The following ACTR10 variants were observed in gnomAD, a reference collection of about 807,000 sequenced individuals.
ACTR10 encodes actin-related protein 10.
A neutral mutation model predicts 56.2 loss-of-function variants in ACTR10; 43 were observed. That is an observed-to-expected ratio of 0.77 (90% CI 0.60 to 0.99). The LOEUF (loss-of-function observed/expected upper bound fraction) is 0.99. Ranked by LOEUF, ACTR10 falls within the 50% of genes least tolerant of loss-of-function variation. The pLI, the probability that ACTR10 is intolerant of heterozygous loss-of-function variation, is 0.00. For missense variants in ACTR10, 466 were observed against 507.8 expected, an observed-to-expected ratio of 0.92 and a Z score of 0.79; for synonymous variants, 170 against 176.3, an observed-to-expected ratio of 0.96 and a Z score of 0.28.
chr14:58,216,517 G>A (rs1889138020), intron 7 of ACTR10, among the ~76,000 whole-genome samples: 2 of 152,072 alleles, frequency 1.3e-5, no homozygotes, highest in Non-Finnish European at 2.9e-5. Context: ...ATTATCTGTT[G>A]GATATAAATG....
chr14:58,212,027 G>A (rs1212245218), intron 5 of ACTR10, among the ~76,000 whole-genome samples: 3 of 151,152 alleles, frequency 2.0e-5, no homozygotes, highest in Non-Finnish European at 4.4e-5. Flanking sequence ...ATGCCTTAAT[G>A]TTTACAAGCT....
rs761735074 is a variant in ACTR10, at chr14:58,200,222, C to T, written c.5C>T (p.Pro2Leu). 7 of 1,534,160 alleles carry T rather than the reference C, an allele frequency of 4.6e-6. No individual in the cohort carries two copies. Among genetic ancestry groups the T allele is most frequent in the South Asian group, 2.4e-5 (2 of 82,918 alleles). Residue 2 changes from proline to leucine, a missense_variant, in exon 1 of 13, where the codon CCG becomes CTG. Physicochemically the swap from Pro to Leu is moderately conservative, Grantham distance 98 (BLOSUM62 -3). Transcript: ENST00000254286. M[P>L]LYEGLGSGGE... The stretch of plus-strand genomic sequence containing the variant: ...CTCTCAGTCTGCCTTACTACCATGC[C>T]GCTCTACGAGGGCCTGGGGAGCGGC...
At chr14:58,221,330 G>T (rs992100886) in intron 8 of ACTR10, among the ~76,000 whole-genome samples, 6 of 143,424 alleles carry the variant, frequency 4.2e-5, no homozygotes, top group Admixed American at 1.4e-4. Flanking sequence ...GTAGTGGCTG[G>T]CCCCTGTAAT....
intron 7 of ACTR10, among the ~76,000 whole-genome samples, chr14:58,216,265 C>T (rs1889132290): frequency 6.6e-6 from 1 of 152,164 alleles, no homozygotes; most frequent in African/African-American, 2.4e-5. Flanking sequence ...GCTGGGACTA[C>T]AGGCGCAAGC....
At chr14:58,214,021 T>C (rs1003811446) in intron 6 of ACTR10, among the ~76,000 whole-genome samples, 3 of 152,192 alleles carry the variant, frequency 2.0e-5, no homozygotes, top group African/African-American at 7.2e-5. Flanking sequence ...TTACAAACAA[T>C]CCAGTTATAC....
intron 4 of ACTR10, among the ~76,000 whole-genome samples, chr14:58,210,074 T>C (rs1052938959): frequency 2.0e-5 from 3 of 152,354 alleles, no homozygotes; most frequent in Admixed American, 6.5e-5. Context: ...TCAGCTGTTA[T>C]CTGAATAAAG....
At chr14:58,228,663 A>G (rs1889457654) in intron 10 of ACTR10, among the ~76,000 whole-genome samples, 1 of 133,502 alleles carries the variant, frequency 7.5e-6, no homozygotes, top group Non-Finnish European at 1.5e-5. Context: ...ACTTAACTAC[A>G]TCTAGTTGCA....
At position 58,207,919 on chromosome 14, in the gene ACTR10, AT is replaced by A. The variant is rs1365392088; in HGVS notation, c.151-13del. On this transcript the variant is annotated splice_polypyrimidine_tract_variant and intron_variant, in intron 2 of 12. Coordinates refer to ENST00000254286, the MANE Select transcript of ACTR10 (RefSeq NM_018477.3). Reference sequence around the variant, plus strand: ...TTTTATTAATATAAATTAATAAATCATTTTAATTTTTTACAGCCTGTCAGAG... The same window carrying A: ...TTTTATTAATATAAATTAATAAATCATTTAATTTTTTACAGCCTGTCAGAG... The A allele has an allele frequency of 1.5e-6, 2 of 1,366,252 alleles. No homozygotes were observed. Among genetic ancestry groups the A allele is most frequent in the Admixed American group, 2.7e-5 (1 of 37,334 alleles). The allele number at this position is 1,366,252 out of a possible 1,614,324, so 84.6% of individuals were successfully genotyped here.
chr14:58,214,447 G>T (rs1396911044), intron 6 of ACTR10, among the ~76,000 whole-genome samples: 1 of 151,346 alleles, frequency 6.6e-6, no homozygotes, highest in East Asian at 1.9e-4. Flanking sequence ...ACAAGTGCAG[G>T]TTTATTACAT....
chr14:58,203,561 A>G (rs969986793), intron 2 of ACTR10, among the ~76,000 whole-genome samples: 4 of 152,130 alleles, frequency 2.6e-5, no homozygotes, highest in Admixed American at 2.0e-4. Flanking sequence ...CTGTTTCTAT[A>G]GATTTGTCTT....
At chr14:58,229,991 G>T (rs113654620) in intron 10 of ACTR10, among the ~76,000 whole-genome samples, 1 of 152,048 alleles carries the variant, frequency 6.6e-6, no homozygotes, top group African/African-American at 2.4e-5. Context: ...GAAATGGGGG[G>T]TGATTGCTTA....
intron 5 of ACTR10, among the ~76,000 whole-genome samples, chr14:58,211,949 A>G (rs914510712): frequency 6.6e-5 from 10 of 150,652 alleles, no homozygotes; most frequent in Non-Finnish European, 1.0e-4. Flanking sequence ...CAAAAAAAAA[A>G]AAAGAATACG....
chr14:58,232,799 A>T (rs1188019990), intron 12 of ACTR10, among the ~76,000 whole-genome samples: 1 of 151,422 alleles, frequency 6.6e-6, no homozygotes, highest in African/African-American at 2.4e-5. Flanking sequence ...AAACGTTCTC[A>T]TTTAGTTAAA....
At position 58,215,196 on chromosome 14, in the gene ACTR10, T is replaced by A. The variant is rs1566625781; in HGVS notation, c.519-9T>A. On this transcript the variant is annotated splice_polypyrimidine_tract_variant and intron_variant, in intron 6 of 12. Coordinates refer to ENST00000254286, the MANE Select transcript of ACTR10 (RefSeq NM_018477.3). ...TTTCATTCCAGTAACTTTTTTTTTT[T>A]AATTTCAGAGAGTTGGAAACTCAAC... 1.2e-5 allele frequency: 18 copies of A among 1,554,602 alleles called. No homozygotes were observed. The highest frequency in any genetic ancestry group is 1.4e-5 in the Non-Finnish European group (16 of 1,146,392).
chr14:58,227,166 CTTTT>C (rs10542034), intron 10 of ACTR10, among the ~76,000 whole-genome samples: 110,019 of 146,568 alleles, frequency 0.75, 41,814 homozygotes, highest in Middle Eastern at 0.9. Context: ...TGATTTCCAG[CTTTT>C]TTTTTTTTTT....
intron 4 of ACTR10, among the ~76,000 whole-genome samples, chr14:58,209,410 T>C (rs948760145): frequency 6.6e-6 from 1 of 152,176 alleles, no homozygotes; most frequent in Non-Finnish European, 1.5e-5. Context: ...TTACTGTTTA[T>C]TTATTTTAAT....
chr14:58,226,308 C>T (rs908704402), intron 10 of ACTR10, among the ~76,000 whole-genome samples: 1 of 151,422 alleles, frequency 6.6e-6, no homozygotes, highest in Non-Finnish European at 1.5e-5. Context: ...GAGATAGAGT[C>T]TCACTGTGCT....
intron 1 of ACTR10, among the ~76,000 whole-genome samples, chr14:58,200,621 T>TG (rs1888682531): frequency 6.6e-6 from 1 of 152,158 alleles, no homozygotes; most frequent in Admixed American, 6.5e-5. Flanking sequence ...CCGCTTACCC[T>TG]GGGCTCCTCA....
rs1889502599 is a variant in ACTR10 at position 58,230,453 on chromosome 14, C to G, written c.843C>G (p.Ala281=). ...AAGATAATGAAGAGCAATCAGTTGC[C>G]ACTTTAATATTGGATTCCCTTATAC... ...FEQDNEEQSV[A]TLILDSLIQC... The change falls in exon 11 of 13, where the codon GCC becomes GCG. Residue 281 remains alanine (A), a synonymous_variant. Coordinates refer to ENST00000254286, the MANE Select transcript of ACTR10 (RefSeq NM_018477.3). 6.3e-7 allele frequency: 1 copy of G among 1,588,638 alleles called. No individual in the cohort carries two copies. Among genetic ancestry groups the G allele is most frequent in the East Asian group, 2.3e-5 (1 of 43,546 alleles).
Sources: allele counts gnomAD v4.1 joint callset (sites outside exome capture counted in the v4.1 genomes callset), GRCh38; gene constraint gnomAD v4.1.1; transcripts MANE v1.5; gene names NCBI Gene and HGNC (gene_info 2026-07-23, HGNC 2026-07-21).